Variants in ATP2B3 observed in about 807,000 individuals in gnomAD.
ATP2B3 encodes plasma membrane calcium-transporting ATPase 3.
In ATP2B3, 12 loss-of-function variants were observed where a neutral mutation model predicts 70.8. The ratio of observed to expected loss-of-function variants is 0.17; its 90% CI spans 0.11 to 0.27. The LOEUF is 0.27. ATP2B3 is among the 10% of genes least tolerant of loss of function. The pLI is 1.00. For synonymous variants in ATP2B3, 460 were observed against 497.8 expected (o/e 0.92, Z 1.01); for missense variants, 858 against 1,118.5 (o/e 0.77, Z 3.32).
At chrX:153,566,318 G>A (rs1284309480) in intron 21 of ATP2B3, among the ~76,000 whole-genome samples, 2 of 112,809 alleles carry the variant, frequency 1.8e-5, no homozygotes, top group African/African-American at 6.4e-5. Flanking sequence ...GGACACCACT[G>A]CACACTTGGC....
At chrX:153,561,577 G>T (rs2090625222) in intron 19 of ATP2B3, among the ~76,000 whole-genome samples, 1 of 111,382 alleles carries the variant, frequency 9.0e-6, no homozygotes. Context: ...AGGAGCAGGT[G>T]AGGCAGGGCT....
chrX:153,564,770 C>A (rs1557017490), intron 20 of ATP2B3, 151 bp from the exon 21 acceptor site: 2 of 565,377 alleles, frequency 3.5e-6, no homozygotes, highest in Non-Finnish European at 5.3e-6. Flanking sequence ...CCCGGGGGGA[C>A]TGCTCTAGCT....
chrX:153,543,207 G>A lies in ATP2B3; in HGVS notation c.916+39G>A, dbSNP rs782736552. On this transcript the variant is annotated intron_variant, in intron 7 of 21. Coordinates refer to ENST00000263519, the MANE Select transcript of ATP2B3 (RefSeq NM_001001344.3). ...GCCGCCAGTCCCTGGTGCTGGTGGC[G>A]GCTCCTTCCACGCTGCCCATTCTTT... 57 of 1,184,680 alleles carry A rather than the reference G, an allele frequency of 4.8e-5. 1 individual carries two copies. Among genetic ancestry groups the A allele is most frequent in the Non-Finnish European group, 6.1e-5 (54 of 881,516 alleles).
intron 2 of ATP2B3, among the ~76,000 whole-genome samples, chrX:153,526,495 C>T (rs1274520372): frequency 1.8e-5 from 2 of 112,031 alleles, no homozygotes; most frequent in South Asian, 3.7e-4. Flanking sequence ...AAGCTTTGGG[C>T]TCGTATGCCG....
intron 17 of ATP2B3, chrX:153,559,211 C>T: frequency 8.5e-6 from 1 of 117,914 alleles, no homozygotes; most frequent in Non-Finnish European, 1.8e-5. Flanking sequence ...CAAACCCCAG[C>T]CCCTGGCACC....
rs782166649 is a variant in ATP2B3 at position 153,556,424 on chromosome X, C to A, written c.2326+6C>A. ...CAAGCACACACTGGTCAAAGGTAGC[C>A]GAGCCCCCACACCCCTTTCCTGGGG... On this transcript the variant is annotated splice_donor_region_variant and intron_variant, in intron 15 of 21. Coordinates refer to ENST00000263519, the MANE Select transcript of ATP2B3 (RefSeq NM_001001344.3). 1.7e-6 allele frequency: 2 copies of A among 1,196,474 alleles called. No individual in the cohort carries two copies. Among genetic ancestry groups the A allele is most frequent in the East Asian group, 6.0e-5 (2 of 33,377 alleles).
chrX:153,560,501 CT>C (rs781971757), intron 18 of ATP2B3, among the ~76,000 whole-genome samples, 174 bp from the exon 19 acceptor site: 1 of 111,826 alleles, frequency 8.9e-6, no homozygotes, highest in Non-Finnish European at 1.9e-5. Flanking sequence ...TCTCAGGACT[CT>C]GGTTGGTTGA....
At chrX:153,551,485 G>C (rs1365480465) in intron 12 of ATP2B3, among the ~76,000 whole-genome samples, 1 of 111,822 alleles carries the variant, frequency 8.9e-6, no homozygotes, top group African/African-American at 3.3e-5. Flanking sequence ...TCAGCTATGC[G>C]ATTTCTACAC....
intron 9 of ATP2B3, 89 bp downstream of exon 9, chrX:153,548,088 C>T: frequency 1.8e-6 from 2 of 1,093,534 alleles, no homozygotes; most frequent in East Asian, 6.2e-5. Context: ...CTGTGTAGAG[C>T]AGGTGGGAAG....
intron 3 of ATP2B3, among the ~76,000 whole-genome samples, chrX:153,539,713 G>A (rs181610653): frequency 2.8e-3 from 317 of 113,211 alleles, no homozygotes; most frequent in Non-Finnish European, 4.5e-3. Context: ...ACTGGGCGCC[G>A]GGTGAGCGCC....
At chrX:153,540,429 TTC>T (rs1557005841) in intron 3 of ATP2B3, among the ~76,000 whole-genome samples, 6 of 112,417 alleles carry the variant, frequency 5.3e-5, no homozygotes, top group South Asian at 7.5e-4. Flanking sequence ...ACCGTTCTTC[TTC>T]TTTGGGTCTC....
chrX:153,577,432 C>T (rs782026769), intron 21 of ATP2B3, among the ~76,000 whole-genome samples: 49 of 112,463 alleles, frequency 4.4e-4, no homozygotes, highest in Non-Finnish European at 7.9e-4. Context: ...GGGGTCAAGG[C>T]CTGCAGCACT....
intron 21 of ATP2B3, among the ~76,000 whole-genome samples, chrX:153,574,442 A>G (rs1185648236): frequency 8.9e-6 from 1 of 111,757 alleles, no homozygotes; most frequent in Non-Finnish European, 1.9e-5. Flanking sequence ...GAAATCGACC[A>G]GAAGCATCCG....
intron 21 of ATP2B3, among the ~76,000 whole-genome samples, chrX:153,565,712 T>C (rs942694991): frequency 8.9e-6 from 1 of 112,414 alleles, no homozygotes; most frequent in Non-Finnish European, 1.9e-5. Flanking sequence ...AGAGCTACCA[T>C]GCTCCCTTGT....
intron 14 of ATP2B3, 45 bp from the exon 15 acceptor site, chrX:153,556,286 G>A (rs781848785): frequency 1.1e-5 from 13 of 1,197,940 alleles, no homozygotes; most frequent in African/African-American, 1.8e-5. Flanking sequence ...AGCCCCCTGC[G>A]TGCCCGCCTT....
intron 3 of ATP2B3, among the ~76,000 whole-genome samples, chrX:153,540,730 A>G (rs1272871393): frequency 8.9e-6 from 1 of 112,143 alleles, no homozygotes; most frequent in Admixed American, 9.4e-5. Context: ...TGTTGGTGAC[A>G]AGCCTGCTCA....
intron 2 of ATP2B3, among the ~76,000 whole-genome samples, chrX:153,524,182 G>A (rs1028805964): frequency 3.6e-5 from 4 of 109,921 alleles, no homozygotes; most frequent in Non-Finnish European, 7.6e-5. Context: ...AATCCCTTTC[G>A]GAAATTTGAG....
At chrX:153,549,070 A>G (rs2090414785) in intron 10 of ATP2B3, among the ~76,000 whole-genome samples, 1 of 108,540 alleles carries the variant, frequency 9.2e-6, no homozygotes, top group South Asian at 4.1e-4. Context: ...GCGGTGAGAT[A>G]CCCAGGGGTT....
intron 21 of ATP2B3, chrX:153,570,025 C>T: frequency 2.5e-6 from 1 of 401,185 alleles, no homozygotes; most frequent in South Asian, 4.9e-5. Context: ...GCTCCTTGTG[C>T]CATTGGTTCT....
Sources: gnomAD v4.1 joint callset for allele counts (sites outside exome capture counted in the v4.1 genomes callset) on GRCh38, gnomAD v4.1.1 for gene constraint, MANE v1.5 for transcripts, NCBI Gene and HGNC (gene_info 2026-07-23, HGNC 2026-07-21) for gene names.